Variants in C14orf39 observed in about 807,000 individuals in gnomAD.
The protein encoded by C14orf39 is chromosome 14 open reading frame 39, also known as protein SIX6OS1.
C14orf39 carries 66 observed loss-of-function variants against 85.6 expected under a neutral mutation model. That is an observed-to-expected ratio of 0.77 (90% CI 0.63 to 0.95). The LOEUF (loss-of-function observed/expected upper bound fraction) is 0.95. C14orf39 is among the 40% of genes least tolerant of loss of function. The pLI is 0.00. For synonymous variants in C14orf39, 242 were observed against 214.0 expected (o/e 1.13, Z -1.14); for missense variants, 735 against 663.9 (o/e 1.11, Z -1.18).
chr14:60,492,615 A>T (rs1215418244), intron 2 of C14orf39, among the ~76,000 whole-genome samples: 2 of 134,146 alleles, frequency 1.5e-5, no homozygotes, highest in South Asian at 2.2e-4. Context: ...AAAAAAAAAA[A>T]TAATAATAAA....
chr14:60,490,214 G>C (rs577899527), upstream of C14orf39, among the ~76,000 whole-genome samples: 120 of 152,196 alleles, frequency 7.9e-4, no homozygotes, highest in Non-Finnish European at 1.4e-3. Flanking sequence ...CTCACAATGT[G>C]TATCTCTAGC....
intron 1 of C14orf39, chr14:60,512,010 T>TATATGTATGTACCTATACAAAC (rs11267915): frequency 2.7e-5 from 4 of 150,844 alleles, no homozygotes; most frequent in Admixed American, 1.3e-4. Flanking sequence ...CGTATGTGCA[T>TATATGTATGTACCTATACAAAC]ATATGTATGT....
chr14:60,454,894 C>T, intron 16 of C14orf39, 107 bp downstream of exon 16: 2 of 857,870 alleles, frequency 2.3e-6, no homozygotes, highest in South Asian at 2.6e-5. Context: ...TTTTTAAATG[C>T]TTCTGTTGAT....
intron 2 of C14orf39, chr14:60,495,508 C>A: frequency 5.0e-6 from 1 of 199,600 alleles, no homozygotes; most frequent in South Asian, 1.2e-4. Flanking sequence ...AAGTTGGCTG[C>A]CTAAAGAGAG....
At chr14:60,440,257 C>A (rs1021148592) in intron 17 of C14orf39, among the ~76,000 whole-genome samples, 5 of 152,140 alleles carry the variant, frequency 3.3e-5, no homozygotes, top group Admixed American at 6.6e-5. Context: ...CTTTCACTTA[C>A]GTATCTAATA....
intron 5 of C14orf39, among the ~76,000 whole-genome samples, chr14:60,474,325 A>G (rs1324754287): frequency 2.0e-5 from 3 of 151,786 alleles, no homozygotes; most frequent in Non-Finnish European, 4.4e-5. Context: ...TTTTCTAGAT[A>G]TACAATCATG....
chr14:60,461,007 T>G lies in C14orf39; in HGVS notation c.1117+347A>C, dbSNP rs904939330. 2.6e-5 allele frequency among the ~76,000 whole-genome samples: 4 copies of G among 151,686 alleles called. No homozygotes were observed. In the South Asian group the frequency reaches 8.3e-4, roughly 32 times the overall value. On this transcript the variant is annotated intron_variant, in intron 13 of 17. Transcript: ENST00000321731. Reference sequence around the variant, plus strand: ...TATTTACTGACATAGAGAAATAACCTCAACAGTATATCAAGTGGGAAAAAA... The same window carrying G: ...TATTTACTGACATAGAGAAATAACCGCAACAGTATATCAAGTGGGAAAAAA...
intron 16 of C14orf39, among the ~76,000 whole-genome samples, chr14:60,446,359 A>T (rs1890765902): frequency 6.6e-6 from 1 of 152,220 alleles, no homozygotes; most frequent in Non-Finnish European, 1.5e-5. Context: ...AAAAAATGTT[A>T]AGGGGATATC....
At position 60,439,268 on chromosome 14, in the gene C14orf39, C is replaced by T. The variant is rs550771277; in HGVS notation, c.1562-2221G>A. Among the ~76,000 whole-genome samples, 12 of 152,188 alleles carry T rather than the reference C, an allele frequency of 7.9e-5. No individual in the cohort carries two copies. The East Asian group carries it at 2.1e-3, about 27-fold the overall frequency. ...AATTTGATAGTCAGTGGGGGAGTCA[C>T]TGAAGGTAACTGATTAGGGCAGTGA... On this transcript the variant is annotated intron_variant, in intron 17 of 17. Coordinates refer to ENST00000321731, the MANE Select transcript of C14orf39 (RefSeq NM_174978.3).
Position 60,437,039 on chromosome 14 carries a change from G to A in C14orf39, c.1570C>T (p.Leu524Phe), listed in dbSNP as rs1254319. Residue 524 changes from leucine to phenylalanine, a missense_variant, in exon 18 of 18, where the codon CTT becomes TTT. Leu to Phe is a conservative substitution (Grantham distance 22). Coordinates refer to ENST00000321731, the MANE Select transcript of C14orf39 (RefSeq NM_174978.3). Reference protein sequence around the residue: ...LSSEQEIGNLLEKPEGEDGFT... With the variant: ...LSSEQEIGNLFEKPEGEDGFT... ...CCATCTTCTCCTTCTGGCTTCTCAA[G>A]TAAGTTTCCTAAGGAAGATAAACAT... is the stretch of plus-strand genomic sequence containing the variant. 0.32 allele frequency: 510,446 copies of A among 1,595,158 alleles called. 88,688 individuals carry two copies. The highest frequency in any genetic ancestry group is 0.66 in the East Asian group (29,437 of 44,598).
intron 2 of C14orf39, chr14:60,496,651 C>T (rs902187279): frequency 6.5e-6 from 1 of 154,368 alleles, no homozygotes; most frequent in Admixed American, 6.5e-5. Context: ...GGCTAAAGAA[C>T]TTTGCACAGC....
intron 11 of C14orf39, among the ~76,000 whole-genome samples, chr14:60,462,073 T>C (rs1243465106): frequency 6.6e-6 from 1 of 152,132 alleles, no homozygotes; most frequent in Non-Finnish European, 1.5e-5. Context: ...TAACTTTAAA[T>C]TGTTTAATAT....
intron 2 of C14orf39, among the ~76,000 whole-genome samples, chr14:60,497,166 C>T (rs1027954367): frequency 1.3e-5 from 2 of 152,216 alleles, no homozygotes; most frequent in African/African-American, 4.8e-5. Flanking sequence ...GCTGGCTCCT[C>T]TGCCTGGAAT....
At chr14:60,460,046 A>C (rs55880897) in intron 13 of C14orf39, among the ~76,000 whole-genome samples, 3,711 of 151,736 alleles carry the variant, frequency 0.024, 62 homozygotes, top group Non-Finnish European at 0.04. Context: ...ATGTTTTTCT[A>C]TTTGATCTTC....
At chr14:60,469,828 C>G (rs1456927199) in intron 7 of C14orf39, among the ~76,000 whole-genome samples, 175 bp from the exon 8 acceptor site, 1 of 149,572 alleles carries the variant, frequency 6.7e-6, no homozygotes, top group Non-Finnish European at 1.5e-5. Context: ...ATTTGGCAGA[C>G]TAACAGATAA....
chr14:60,443,822 C>T (rs1890635328), intron 16 of C14orf39, among the ~76,000 whole-genome samples: 1 of 152,138 alleles, frequency 6.6e-6, no homozygotes, highest in African/African-American at 2.4e-5. Flanking sequence ...ACAAAGATTC[C>T]AGAAGAAGGA....
In C14orf39 at chr14:60,491,901, A is replaced by G. The variant is rs969594382; in HGVS notation, c.-8-6815T>C. The stretch of plus-strand genomic sequence containing the variant: ...TTCCTATCATTCTAAGAATAAGGAC[A>G]AAATACATTTTATTGGAAAAAATTC... On this transcript the variant is annotated intron_variant, in intron 2 of 5. Coordinates refer to the C14orf39 transcript ENST00000556799. This position sits in a 1 kb window ranked among gnomAD's most constrained non-coding sequence, Gnocchi z 4.5. 2.6e-5 allele frequency among the ~76,000 whole-genome samples: 4 copies of G among 152,184 alleles called. No homozygotes were observed. The highest frequency in any genetic ancestry group is 4.4e-5 in the Non-Finnish European group (3 of 68,028).
At chr14:60,459,043 T>C (rs1595458467) in intron 13 of C14orf39, among the ~76,000 whole-genome samples, 1 of 151,922 alleles carries the variant, frequency 6.6e-6, no homozygotes, top group East Asian at 1.9e-4. Context: ...CTATTCTGAC[T>C]TTTGTGACAA....
At chr14:60,464,241 A>C (rs1407064524) in intron 11 of C14orf39, among the ~76,000 whole-genome samples, 3 of 152,208 alleles carry the variant, frequency 2.0e-5, no homozygotes, top group Non-Finnish European at 2.9e-5. Context: ...CAGGAAAAGA[A>C]AACATAGATG....
Sources: allele counts gnomAD v4.1 joint callset (sites outside exome capture counted in the v4.1 genomes callset), GRCh38; gene constraint gnomAD v4.1.1; non-coding constraint Gnocchi (gnomAD v3.1); transcripts MANE v1.5; gene names NCBI Gene and HGNC (gene_info 2026-07-23, HGNC 2026-07-21).